Variants in IL2RA observed in about 807,000 individuals in gnomAD.
IL2RA encodes interleukin-2 receptor subunit alpha.
A neutral mutation model predicts 37.8 loss-of-function variants in IL2RA; 24 were observed. That is an observed-to-expected ratio of 0.63 (90% CI 0.46 to 0.89). IL2RA has a LOEUF of 0.89. Among genes scored for constraint, IL2RA ranks in the 40% least tolerant of loss-of-function variants. IL2RA has a pLI of 0.00. For missense variants in IL2RA, 319 were observed against 348.6 expected (o/e 0.92, Z 0.68); for synonymous variants, 125 against 114.6 (o/e 1.09, Z -0.58).
At chr10:6,016,851 G>T (rs1211361570) in intron 7 of IL2RA, among the ~76,000 whole-genome samples, 1 of 152,136 alleles carries the variant, frequency 6.6e-6, no homozygotes, top group Non-Finnish European at 1.5e-5. Flanking sequence ...GGGATTACAG[G>T]CATGAGCCAC....
At chr10:6,060,669 A>G (rs953078648) in intron 1 of IL2RA, among the ~76,000 whole-genome samples, 18 of 152,262 alleles carry the variant, frequency 1.2e-4, no homozygotes, top group Middle Eastern at 3.4e-3. Flanking sequence ...AGGCACGAGA[A>G]TTACTTGAGC....
In IL2RA at chr10:6,044,774, C is replaced by A. The variant is rs1839824915; in HGVS notation, c.64+17314G>T. 6.6e-6 allele frequency among the ~76,000 whole-genome samples: 1 copy of A among 152,172 alleles called. No individual in the cohort carries two copies. Among genetic ancestry groups the A allele is most frequent in the Admixed American group, 6.5e-5 (1 of 15,280 alleles). On this transcript the variant is annotated intron_variant, in intron 1 of 7. Transcript: ENST00000379959. This position sits in a 1 kb window ranked among gnomAD's most constrained non-coding sequence, Gnocchi z 4.5. ...CAAAATATAAGTGGTGGTATAGGGA[C>A]TTCACCTCCCACTCCCCCTCCACCC...
Position 6,029,186 on chromosome 10 carries a change from C to A in IL2RA, c.65-3161G>T, listed in dbSNP as rs1839536238. ...TTTATTTATTTATTTATTTTTGAGA[C>A]AGAGTTTCGCTCTTGTTGCCCAGGC... On this transcript the variant is annotated intron_variant, in intron 1 of 7. Transcript: ENST00000379959. The surrounding 1 kb of genome is among the most constrained non-coding windows in gnomAD (Gnocchi z 4.6). Among the ~76,000 whole-genome samples the A allele has an allele frequency of 6.7e-6, 1 of 150,046 alleles. No homozygotes were observed. Among genetic ancestry groups the A allele is most frequent in the Non-Finnish European group, 1.5e-5 (1 of 67,684 alleles).
At chr10:6,017,929 C>T in intron 7 of IL2RA, 124 bp downstream of exon 7, 2 of 771,756 alleles carry the variant, frequency 2.6e-6, no homozygotes, top group Non-Finnish European at 4.6e-6. Context: ...TTGGCCTCTC[C>T]CTTTGCCACT....
chr10:6,049,389 A>G (rs1346631793), intron 1 of IL2RA, among the ~76,000 whole-genome samples: 7 of 152,248 alleles, frequency 4.6e-5, no homozygotes, highest in African/African-American at 7.2e-5. Flanking sequence ...AAATTTACCC[A>G]GTCTATTCAA....
rs899080711 is a variant in IL2RA, at chr10:6,021,908, T to C, written c.368-215A>G. 3.3e-5 allele frequency among the ~76,000 whole-genome samples: 5 copies of C among 150,266 alleles called. No homozygotes were observed. The highest frequency in any genetic ancestry group is 7.4e-5 in the African/African-American group (3 of 40,774). On this transcript the variant is annotated intron_variant, in intron 3 of 7. Transcript: ENST00000379959. This position sits in a 1 kb window ranked among gnomAD's most constrained non-coding sequence, Gnocchi z 4.9. ...AAGACCCTGTCACTCCTGCAAGGGG[T>C]GGACAGTGGATTGGGTAAGAAAGGC... is the stretch of plus-strand genomic sequence containing the variant.
At position 6,025,955 on chromosome 10, in the gene IL2RA, G is replaced by A; in HGVS notation, c.135C>T (p.Thr45=). 1 of 1,614,132 alleles carries A rather than the reference G, an allele frequency of 6.2e-7. No homozygotes were observed. Among genetic ancestry groups the A allele is most frequent in the South Asian group, 1.1e-5 (1 of 91,078 alleles). The change falls in exon 2 of 8, where the codon ACC becomes ACT. Residue 45 remains threonine (T), a synonymous_variant. Transcript: ENST00000379959. This position sits in a 1 kb window ranked among gnomAD's most constrained non-coding sequence, Gnocchi z 4.4. Reference sequence around the variant, plus strand: ...CTCTCTTGCATTCACAGTTCAACATGGTTCCTTCCTTGTAGGCCATGGCTT... The same window carrying A: ...CTCTCTTGCATTCACAGTTCAACATAGTTCCTTCCTTGTAGGCCATGGCTT... The part of the protein sequence containing the change: ...TFKAMAYKEG[T]MLNCECKRGF...
rs570627092 is a variant in IL2RA, at chr10:6,022,004, C to A, written c.368-311G>T. ...GCGATTCATTCTGGTTGGTGCGGCC[C>A]CGAGACAGGAACGCCACAACTGCCT... is the stretch of plus-strand genomic sequence containing the variant. On this transcript the variant is annotated intron_variant, in intron 3 of 7. Coordinates refer to ENST00000379959, the MANE Select transcript of IL2RA (RefSeq NM_000417.3). The surrounding 1 kb of genome is among the most constrained non-coding windows in gnomAD (Gnocchi z 4.7). Among the ~76,000 whole-genome samples the A allele has an allele frequency of 6.6e-6, 1 of 152,022 alleles. No individual in the cohort carries two copies. Among genetic ancestry groups the A allele is most frequent in the East Asian group, 1.9e-4 (1 of 5,192 alleles).
At chr10:6,043,096 G>C (rs1055591379) in intron 1 of IL2RA, among the ~76,000 whole-genome samples, 1 of 152,096 alleles carries the variant, frequency 6.6e-6, no homozygotes, top group Admixed American at 6.5e-5. Flanking sequence ...GGAAAAATCA[G>C]ATACAATCTA....
intron 1 of IL2RA, among the ~76,000 whole-genome samples, chr10:6,027,583 G>T (rs1349737912): frequency 6.6e-6 from 1 of 152,144 alleles, no homozygotes; most frequent in South Asian, 2.1e-4. Context: ...CTTCTCTAAG[G>T]CTCAGCTTCG....
Position 6,057,586 on chromosome 10 carries a change from G to A in IL2RA, c.64+4502C>T, listed in dbSNP as rs1038232000. On this transcript the variant is annotated intron_variant, in intron 1 of 7. Transcript: ENST00000379959. The surrounding 1 kb of genome is among the most constrained non-coding windows in gnomAD (Gnocchi z 4.8). Reference sequence around the variant, plus strand: ...TCTGTCAAAAACTCACGCCCTCCCCGTGTCCTCTCCTCAGTGCTTTGGCCC... The same window carrying A: ...TCTGTCAAAAACTCACGCCCTCCCCATGTCCTCTCCTCAGTGCTTTGGCCC... 2.0e-5 allele frequency among the ~76,000 whole-genome samples: 3 copies of A among 152,112 alleles called. No homozygotes were observed. Among genetic ancestry groups the A allele is most frequent in the Non-Finnish European group, 4.4e-5 (3 of 68,024 alleles).
At chr10:6,050,695 A>G (rs903642047) in intron 1 of IL2RA, among the ~76,000 whole-genome samples, 7 of 152,198 alleles carry the variant, frequency 4.6e-5, no homozygotes, top group African/African-American at 9.6e-5. Context: ...CCCATCTCCT[A>G]TGGTGGCCAT....
chr10:6,033,005 G>A lies in IL2RA; in HGVS notation c.65-6980C>T, dbSNP rs1839624835. The stretch of plus-strand genomic sequence containing the variant: ...ATAAAAGACTGATACGTCAAATACT[G>A]GGGAGGAAGTAGAACTACCAGAACT... On this transcript the variant is annotated intron_variant, in intron 1 of 7. Transcript: ENST00000379959. The surrounding 1 kb of genome is among the most constrained non-coding windows in gnomAD (Gnocchi z 4.3). Among the ~76,000 whole-genome samples, 1 of 152,200 alleles carries A rather than the reference G, an allele frequency of 6.6e-6. No homozygotes were observed. Among genetic ancestry groups the A allele is most frequent in the Non-Finnish European group, 1.5e-5 (1 of 68,032 alleles).
intron 1 of IL2RA, among the ~76,000 whole-genome samples, chr10:6,031,512 GTATATATATGTA>G (rs1839591991): frequency 5.7e-5 from 3 of 52,698 alleles, no homozygotes; most frequent in African/African-American, 2.1e-4. Flanking sequence ...ATATATATAT[GTATATATATGTA>G]TATATATATC....
Position 6,018,502 on chromosome 10 carries a change from C to A in IL2RA, c.728-383G>T, listed in dbSNP as rs1450503910. 3.9e-5 allele frequency among the ~76,000 whole-genome samples: 6 copies of A among 152,120 alleles called. No homozygotes were observed. Among genetic ancestry groups the A allele is most frequent in the Non-Finnish European group, 5.9e-5 (4 of 68,022 alleles). The stretch of plus-strand genomic sequence containing the variant: ...GAGGTCGGGTTTTCCAGATGCTGCT[C>A]TGCTGAGGTTTTGGAGGCTGACATT... On this transcript the variant is annotated intron_variant, in intron 6 of 7. Transcript: ENST00000379959. This position sits in a 1 kb window ranked among gnomAD's most constrained non-coding sequence, Gnocchi z 5.1.
chr10:6,027,931 A>G (rs1839511234), intron 1 of IL2RA, among the ~76,000 whole-genome samples: 1 of 152,246 alleles, frequency 6.6e-6, no homozygotes, highest in South Asian at 2.1e-4. Flanking sequence ...CAGAAAAACC[A>G]GTGAAGACTT....
chr10:6,019,984 A>G, intron 4 of IL2RA, 43 bp from the exon 5 acceptor site: 1 of 1,546,726 alleles, frequency 6.5e-7, no homozygotes, highest in Non-Finnish European at 8.9e-7. Context: ...TAAACACAGG[A>G]GTCAGGGCCT....
Position 6,051,515 on chromosome 10 carries a change from ATAT to A in IL2RA, c.64+10570_64+10572del, listed in dbSNP as rs1362614591. Among the ~76,000 whole-genome samples the A allele has an allele frequency of 1.5e-3, 68 of 46,530 alleles. 1 individual carries two copies. The East Asian group carries it at 0.026, about 17-fold the overall frequency. 30.5% of individuals were successfully genotyped at this position (46,530 alleles called of 152,430 possible). The stretch of plus-strand genomic sequence containing the variant: ...CACAAATATATATATATATATATAT[ATAT>A]TTTTTTTCTTTTTTTTTTTGAGACG... On this transcript the variant is annotated intron_variant, in intron 1 of 7. Transcript: ENST00000379959.
rs12722720 is a variant in IL2RA, at chr10:6,010,898, G to A, written c.*1974C>T. On this transcript the variant is annotated 3_prime_UTR_variant, in exon 8 of 8. Coordinates refer to ENST00000379959, the MANE Select transcript of IL2RA (RefSeq NM_000417.3). ...ATAGACCCCTCAACACCCAAAAGTC[G>A]TAATCAGTTCTACTCAAGTAAGATT... The A allele has an allele frequency of 1.4e-4, 21 of 152,172 alleles. No individual in the cohort carries two copies. Among genetic ancestry groups the A allele is most frequent in the Admixed American group, 3.9e-4 (6 of 15,272 alleles). 9.4% of individuals were successfully genotyped at this position (152,172 alleles called of 1,614,324 possible).
Sources: gnomAD v4.1 joint callset for allele counts (sites outside exome capture counted in the v4.1 genomes callset) on GRCh38, gnomAD v4.1.1 for gene constraint, Gnocchi (gnomAD v3.1) non-coding constraint, MANE v1.5 for transcripts, NCBI Gene and HGNC (gene_info 2026-07-23, HGNC 2026-07-21) for gene names.